The following STX8 variants were observed in gnomAD, a reference collection of about 807,000 sequenced individuals.
STX8 encodes the protein syntaxin 8.
STX8 carries 23 observed loss-of-function variants against 37.5 expected under a neutral mutation model. The observed-to-expected ratio is 0.61, with a 90% CI of 0.44 to 0.87. The LOEUF (loss-of-function observed/expected upper bound fraction) is 0.87, where lower values mean the gene tolerates loss of function less well. STX8 is among the 40% of genes least tolerant of loss of function. The pLI, the probability that STX8 is intolerant of heterozygous loss-of-function variation, is 0.00. For synonymous variants in STX8, 115 were observed against 99.1 expected (o/e 1.16, Z -0.95); for missense variants, 313 against 284.7 (o/e 1.10, Z -0.71).
At chr17:9,495,038 G>A (rs866194196) in intron 5 of STX8, among the ~76,000 whole-genome samples, 24 of 152,090 alleles carry the variant, frequency 1.6e-4, no homozygotes, top group Non-Finnish European at 3.2e-4. Context: ...GGTCTTACTC[G>A]AGGTCGCATT....
At chr17:9,430,841 G>A (rs1212819333) in intron 6 of STX8, among the ~76,000 whole-genome samples, 1 of 152,036 alleles carries the variant, frequency 6.6e-6, no homozygotes, top group Non-Finnish European at 1.5e-5. Flanking sequence ...AGTAGAGACG[G>A]GATTTCACCA....
chr17:9,425,887 T>C (rs1360972166), intron 6 of STX8, among the ~76,000 whole-genome samples: 1 of 152,148 alleles, frequency 6.6e-6, no homozygotes, highest in Non-Finnish European at 1.5e-5. Context: ...CTTGGACGTC[T>C]ACAGATGAGC....
intron 6 of STX8, among the ~76,000 whole-genome samples, chr17:9,473,046 CTTT>C (rs11309971): frequency 6.9e-6 from 1 of 145,610 alleles, no homozygotes; most frequent in Non-Finnish European, 1.5e-5. Flanking sequence ...ATCTTTTTTT[CTTT>C]TTTTTTTTTT....
At chr17:9,489,960 T>C (rs1337137236) in intron 6 of STX8, among the ~76,000 whole-genome samples, 1 of 152,120 alleles carries the variant, frequency 6.6e-6, no homozygotes, top group Non-Finnish European at 1.5e-5. Flanking sequence ...AGTGCTGTGA[T>C]TACAGGAATG....
intron 7 of STX8, among the ~76,000 whole-genome samples, chr17:9,279,068 GTT>G (rs5819218): frequency 0.014 from 1,990 of 144,830 alleles, 20 homozygotes; most frequent in Non-Finnish European, 0.018. Context: ...TTTGTTTTTT[GTT>G]TTTTTTTTTT....
At chr17:9,313,346 C>T (rs1479642696) in intron 7 of STX8, among the ~76,000 whole-genome samples, 2 of 152,062 alleles carry the variant, frequency 1.3e-5, no homozygotes, top group African/African-American at 4.8e-5. Context: ...CAAAAGAGGG[C>T]TTTTTAAAAA....
intron 7 of STX8, among the ~76,000 whole-genome samples, chr17:9,319,767 A>T (rs1247360162): frequency 2.6e-5 from 4 of 151,754 alleles, no homozygotes; most frequent in Non-Finnish European, 5.9e-5. Context: ...CCTGACCAAC[A>T]TGGTGAAACC....
chr17:9,433,047 C>A (rs1226008011), intron 6 of STX8, among the ~76,000 whole-genome samples: 3 of 152,216 alleles, frequency 2.0e-5, no homozygotes, highest in African/African-American at 7.2e-5. Context: ...GATATGGATG[C>A]AGTCAGGGAA....
rs140593538 is a variant in STX8 at position 9,458,599 on chromosome 17, G to A, written c.541+33230C>T. On this transcript the variant is annotated intron_variant, in intron 6 of 7. Coordinates refer to ENST00000306357, the MANE Select transcript of STX8 (RefSeq NM_004853.3). The stretch of plus-strand genomic sequence containing the variant: ...ATGCATGACTTGCTAGAAAATATAC[G>A]AGAGGTTCTAACTTCGAGTTTGCTC... 4.8e-3 allele frequency among the ~76,000 whole-genome samples: 725 copies of A among 152,258 alleles called. 4 individuals carry two copies. Among genetic ancestry groups the A allele is most frequent in the Middle Eastern group, 0.014 (4 of 292 alleles).
chr17:9,478,299 C>T (rs1363379766), intron 6 of STX8, among the ~76,000 whole-genome samples: 2 of 152,128 alleles, frequency 1.3e-5, no homozygotes, highest in Non-Finnish European at 2.9e-5. Flanking sequence ...TCACACCCAG[C>T]TAATTTTTGT....
intron 6 of STX8, among the ~76,000 whole-genome samples, chr17:9,427,603 C>G (rs1222503332): frequency 2.0e-5 from 3 of 152,104 alleles, no homozygotes; most frequent in Non-Finnish European, 4.4e-5. Flanking sequence ...ACTTGGACAG[C>G]CTAGGCAAGC....
At chr17:9,543,424 G>C (rs1032579295) in intron 4 of STX8, among the ~76,000 whole-genome samples, 1 of 151,966 alleles carries the variant, frequency 6.6e-6, no homozygotes, top group Non-Finnish European at 1.5e-5. Flanking sequence ...CTCCTGAGTA[G>C]CTGGGACTAC....
At chr17:9,485,687 G>A (rs371165241) in intron 6 of STX8, among the ~76,000 whole-genome samples, 10 of 151,896 alleles carry the variant, frequency 6.6e-5, no homozygotes, top group East Asian at 3.9e-4. Flanking sequence ...CCAGGTTCAA[G>A]TGATTCTCCT....
At chr17:9,470,825 C>T (rs1905819223) in intron 6 of STX8, among the ~76,000 whole-genome samples, 1 of 150,802 alleles carries the variant, frequency 6.6e-6, no homozygotes, top group African/African-American at 2.4e-5. Flanking sequence ...CTCCCAGGTT[C>T]ACACCATTCT....
rs188562824 is a variant in STX8 at position 9,494,354 on chromosome 17, C to T, written c.449-2433G>A. ...TTAAGTAAAAAAGCAGGAAGCTGGG[C>T]GCAGTGGCTCACGCCTGTAATCCCA... On this transcript the variant is annotated intron_variant, in intron 5 of 7. Coordinates refer to ENST00000306357, the MANE Select transcript of STX8 (RefSeq NM_004853.3). Among the ~76,000 whole-genome samples, 53 of 150,610 alleles carry T rather than the reference C, an allele frequency of 3.5e-4. No homozygotes were observed. The East Asian group carries it at 0.01, about 29-fold the overall frequency.
intron 6 of STX8, among the ~76,000 whole-genome samples, chr17:9,430,221 AAT>A (rs1913908071): frequency 7.6e-6 from 1 of 132,012 alleles, no homozygotes; most frequent in Non-Finnish European, 1.5e-5. Flanking sequence ...ATATAAATAA[AAT>A]ATATATTATA....
intron 6 of STX8, among the ~76,000 whole-genome samples, chr17:9,411,642 T>A (rs1466180429): frequency 6.6e-6 from 1 of 152,192 alleles, no homozygotes; most frequent in Non-Finnish European, 1.5e-5. Context: ...ACAATATACA[T>A]AACAGGATCG....
At chr17:9,409,793 G>GA (rs34158045) in intron 6 of STX8, among the ~76,000 whole-genome samples, 4 of 151,978 alleles carry the variant, frequency 2.6e-5, no homozygotes, top group African/African-American at 4.8e-5. Context: ...GCACTGGGGG[G>GA]AAAAAAAGCC....
At chr17:9,287,239 G>T (rs1043891807) in intron 7 of STX8, among the ~76,000 whole-genome samples, 1 of 152,152 alleles carries the variant, frequency 6.6e-6, no homozygotes, top group African/African-American at 2.4e-5. Flanking sequence ...TTGGGGTGGG[G>T]CAGGCTCCAT....
Sources: allele counts gnomAD v4.1 joint callset (sites outside exome capture counted in the v4.1 genomes callset), GRCh38; gene constraint gnomAD v4.1.1; transcripts MANE v1.5; gene names NCBI Gene and HGNC (gene_info 2026-07-23, HGNC 2026-07-21).